CA4: variants seen among roughly 807,000 people sequenced by gnomAD.
CA4 encodes carbonic anhydrase 4.
CA4 carries 24 observed loss-of-function variants against 34.5 expected under a neutral mutation model. The ratio of observed to expected loss-of-function variants is 0.70; its 90% confidence interval spans 0.50 to 0.98. The LOEUF (loss-of-function observed/expected upper bound fraction) is 0.98. Among genes scored for constraint, CA4 ranks in the 50% least tolerant of loss-of-function variants. CA4 has a pLI of 0.00. For missense variants in CA4, 394 were observed against 396.7 expected, an observed-to-expected ratio of 0.99 and a Z score of 0.06; for synonymous variants, 178 against 170.6, an observed-to-expected ratio of 1.04 and a Z score of -0.34.
intron 5 of CA4, among the ~76,000 whole-genome samples, chr17:60,165,612 C>A (rs561261914): frequency 7.2e-5 from 11 of 152,252 alleles, no homozygotes; most frequent in African/African-American, 2.6e-4. Context: ...TCCCCAGGAG[C>A]CGTGGGATTA....
chr17:60,176,024 C>G, the CA4 span, among the ~76,000 whole-genome samples: 1 of 152,034 alleles, frequency 6.6e-6, no homozygotes, highest in Non-Finnish European at 1.5e-5. Flanking sequence ...CCATGTTGGT[C>G]AGGCTGGTCT....
chr17:60,159,051 C>A (rs1367365219), intron 7 of CA4, 179 bp from the exon 8 acceptor site: 4 of 655,888 alleles, frequency 6.1e-6, no homozygotes, highest in African/African-American at 1.8e-5. Flanking sequence ...ACCCATGCCA[C>A]GCACCTCATT....
At chr17:60,150,849 C>T (rs2083578986) in intron 1 of CA4, among the ~76,000 whole-genome samples, 1 of 151,592 alleles carries the variant, frequency 6.6e-6, no homozygotes, top group Admixed American at 6.6e-5. Flanking sequence ...AGCCGCGCTT[C>T]CCACACGGGT....
chr17:60,162,587 A>G (rs2083805209), downstream of CA4, among the ~76,000 whole-genome samples: 1 of 148,374 alleles, frequency 6.7e-6, no homozygotes. Context: ...ACACACACAC[A>G]CCAGCCTTCA....
At position 60,157,864 on chromosome 17, in the gene CA4, C is replaced by T; in HGVS notation, c.513+76C>T. The stretch of plus-strand genomic sequence containing the variant: ...TCTTAGGATTCAGAGACCTGGGACT[C>T]CAGCGAGGCAGGAGGGGGCGGGGAG... On this transcript the variant is annotated intron_variant, in intron 5 of 7. Coordinates refer to ENST00000300900, the MANE Select transcript of CA4 (RefSeq NM_000717.5). 8 of 1,527,764 alleles carry T rather than the reference C, an allele frequency of 5.2e-6. No individual in the cohort carries two copies. In the South Asian group the frequency reaches 9.1e-5, roughly 17 times the overall value. The allele number at this position is 1,527,764 out of a possible 1,614,324, so 94.6% of individuals were successfully genotyped here.
At chr17:60,156,087 G>A (rs1357929900) in intron 2 of CA4, among the ~76,000 whole-genome samples, 2 of 152,122 alleles carry the variant, frequency 1.3e-5, no homozygotes, top group African/African-American at 4.8e-5. Context: ...CTCAGATGAT[G>A]CTCAGCGCCC....
intron 1 of CA4, among the ~76,000 whole-genome samples, chr17:60,152,831 G>A (rs1261869805): frequency 3.3e-5 from 5 of 152,198 alleles, no homozygotes; most frequent in Admixed American, 1.3e-4. Context: ...TGTCAGAGGC[G>A]TTTGAACCAG....
intron 2 of CA4, among the ~76,000 whole-genome samples, chr17:60,155,745 C>A (rs2083671965): frequency 6.6e-6 from 1 of 152,060 alleles, no homozygotes; most frequent in Admixed American, 6.6e-5. Context: ...CATAGAGTGA[C>A]CTGAGTCTTC....
chr17:60,160,750 C>CA (rs201178794), downstream of CA4, among the ~76,000 whole-genome samples: 93,223 of 129,530 alleles, frequency 0.72, 37,257 homozygotes, highest in East Asian at 0.89. Context: ...GACTCTGTCT[C>CA]AAAAAAAAAA....
At chr17:60,157,649 GCCCTTCATAGGTC>G in intron 4 of CA4, 28 bp from the exon 5 acceptor site, 1 of 1,612,588 alleles carries the variant, frequency 6.2e-7, no homozygotes, top group Non-Finnish European at 8.5e-7. Flanking sequence ...GGTAGTCCAG[GCCCTTCATAGGTC>G]CCCTTTTCAC....
intron 5 of CA4, among the ~76,000 whole-genome samples, chr17:60,165,582 C>G (rs1448684612): frequency 6.6e-6 from 1 of 152,148 alleles, no homozygotes; most frequent in Non-Finnish European, 1.5e-5. Flanking sequence ...TCATTTTCCT[C>G]TAACGCTTCC....
At chr17:60,156,538 C>T in intron 2 of CA4, 22 bp from the exon 3 acceptor site, 1 of 1,613,890 alleles carries the variant, frequency 6.2e-7, no homozygotes, top group Non-Finnish European at 8.5e-7. Flanking sequence ...CGACTCTCAG[C>T]CCACCTTCTC....
At chr17:60,153,713 G>T (rs975404078) in intron 1 of CA4, among the ~76,000 whole-genome samples, 11 of 152,200 alleles carry the variant, frequency 7.2e-5, no homozygotes, top group Non-Finnish European at 1.3e-4. Flanking sequence ...GGCAGAGCGG[G>T]AGCTGGAGGC....
chr17:60,163,267 C>T (rs1277951058), downstream of CA4, among the ~76,000 whole-genome samples: 4 of 152,094 alleles, frequency 2.6e-5, no homozygotes, highest in African/African-American at 4.8e-5. Context: ...GCGCCTATAC[C>T]GACAGGGCCT....
intron 1 of CA4, among the ~76,000 whole-genome samples, chr17:60,152,862 G>A (rs1056809200): frequency 6.6e-6 from 1 of 152,188 alleles, no homozygotes; most frequent in Non-Finnish European, 1.5e-5. Flanking sequence ...TTTTGGGTGA[G>A]AGCTAGGAAA....
intron 1 of CA4, among the ~76,000 whole-genome samples, chr17:60,150,915 T>C (rs944504575): frequency 2.8e-5 from 4 of 142,120 alleles, no homozygotes; most frequent in African/African-American, 1.0e-4. Context: ...CAGCGCTGAA[T>C]TGGGAGCCTG....
rs765898059 is a variant in CA4, at chr17:60,157,515, C to A, written c.357C>A (p.Ser119=). ...YQAKQLHLHW[S]DLPYKGSEHS... is the part of the protein sequence containing the mutation. ...CCAAACAGTTGCACCTGCACTGGTC[C>A]GACTTGCCATATAAGGGCTCGGAGC... Residue 119 remains serine (S), a synonymous_variant, in exon 4 of 8, where the codon TCC becomes TCA. Transcript: ENST00000300900. The A allele has an allele frequency of 1.2e-6, 2 of 1,614,172 alleles. No individual in the cohort carries two copies. The highest frequency in any genetic ancestry group is 1.7e-6 in the Non-Finnish European group (2 of 1,180,022).
downstream of CA4, among the ~76,000 whole-genome samples, chr17:60,163,297 G>A (rs2083814753): frequency 1.3e-5 from 2 of 152,158 alleles, no homozygotes; most frequent in Non-Finnish European, 2.9e-5. Flanking sequence ...TGCCCCCAGC[G>A]TGGTGCAACC....
At position 60,158,021 on chromosome 17, in the gene CA4, T is replaced by A. The variant is rs770855176; in HGVS notation, c.514-40T>A. ...GAATGAACTGGCCACCACCACTGGC[T>A]CCCTGCAGACTTTCTCAAGACCCTT... is the stretch of plus-strand genomic sequence containing the variant. On this transcript the variant is annotated intron_variant, in intron 5 of 7. Transcript: ENST00000300900. 5 of 1,610,134 alleles carry A rather than the reference T, an allele frequency of 3.1e-6. No homozygotes were observed. The Admixed American group carries it at 8.4e-5, about 27-fold the overall frequency.
Sources: allele counts gnomAD v4.1 joint callset (sites outside exome capture counted in the v4.1 genomes callset), GRCh38; gene constraint gnomAD v4.1.1; transcripts MANE v1.5; gene names NCBI Gene and HGNC (gene_info 2026-07-23, HGNC 2026-07-21).